The following TRIM44 variants were observed in gnomAD, a reference collection of about 807,000 sequenced individuals.
The protein encoded by TRIM44 is tripartite motif-containing protein 44.
Under a neutral mutation model 37.4 loss-of-function variants are expected in TRIM44, and 13 were observed. That is an observed-to-expected ratio of 0.35 (90% CI 0.23 to 0.55). TRIM44 has a LOEUF of 0.55. Among genes scored for constraint, TRIM44 ranks in the 20% least tolerant of loss-of-function variants. TRIM44 has a pLI of 0.89. For missense variants in TRIM44, 426 were observed against 437.2 expected, an observed-to-expected ratio of 0.97 and a Z score of 0.23; for synonymous variants, 175 against 157.2, an observed-to-expected ratio of 1.11 and a Z score of -0.85.
chr11:35,814,719 TGA>T lies in TRIM44; in HGVS notation c.*8336_*8337del, dbSNP rs1159063781. 1 of 152,174 alleles carries T rather than the reference TGA, an allele frequency of 6.6e-6. No individual in the cohort carries two copies. Among genetic ancestry groups the T allele is most frequent in the Non-Finnish European group, 1.5e-5 (1 of 68,040 alleles). 9.4% of individuals were successfully genotyped at this position (152,174 alleles called of 1,614,324 possible). A position where few individuals can be genotyped will look rare whatever the true frequency, so the allele number is the denominator to read the frequency against. On this transcript the variant is annotated 3_prime_UTR_variant, in exon 5 of 5. Coordinates refer to ENST00000299413, the MANE Select transcript of TRIM44 (RefSeq NM_017583.6). ...CCTATCTTTTTGCTGGTGGTAATGA[TGA>T]GTTTTGTCACTTGCTATAACATTCT...
rs1025338113 is a variant in TRIM44 at position 35,817,512 on chromosome 11, C to T, written c.*11127C>T. ...AATTGTTCCTCTAAGAGTCCCAAGT[C>T]ATCTTTTTTCTCTCCGTGTGTGTTA... On this transcript the variant is annotated 3_prime_UTR_variant, in exon 5 of 5. Transcript: ENST00000299413. 3.9e-5 allele frequency: 6 copies of T among 152,140 alleles called. No individual in the cohort carries two copies. Among genetic ancestry groups the T allele is most frequent in the Non-Finnish European group, 8.8e-5 (6 of 68,032 alleles). The allele number at this position is 152,140 out of a possible 1,614,324, so 9.4% of individuals were successfully genotyped here.
At chr11:35,722,259 T>C (rs1852118860) in intron 2 of TRIM44, among the ~76,000 whole-genome samples, 1 of 152,184 alleles carries the variant, frequency 6.6e-6, no homozygotes, top group East Asian at 1.9e-4. Flanking sequence ...GTCTACAATT[T>C]TTAAAGTTAT....
At chr11:35,702,829 C>T (rs564214353) in intron 2 of TRIM44, among the ~76,000 whole-genome samples, 32 of 152,338 alleles carry the variant, frequency 2.1e-4, no homozygotes, top group Admixed American at 3.3e-4. Flanking sequence ...GCGTGAGCAA[C>T]GCAGAAGACG....
intron 2 of TRIM44, among the ~76,000 whole-genome samples, chr11:35,697,401 T>A (rs1851718511): frequency 6.6e-6 from 1 of 151,086 alleles, no homozygotes; most frequent in Non-Finnish European, 1.5e-5. Context: ...ACTCATCCTT[T>A]TTTATGGCTG....
chr11:35,682,524 A>G (rs79518960), intron 1 of TRIM44, among the ~76,000 whole-genome samples: 1 of 152,136 alleles, frequency 6.6e-6, no homozygotes, highest in African/African-American at 2.4e-5. Flanking sequence ...ATAGATTTTT[A>G]AAAAAGCCTT....
chr11:35,749,963 C>T (rs1027213012), intron 4 of TRIM44, among the ~76,000 whole-genome samples: 2 of 152,054 alleles, frequency 1.3e-5, no homozygotes, highest in Admixed American at 1.3e-4. Flanking sequence ...AATACAGGGT[C>T]GTGATGCAAA....
At chr11:35,776,734 G>A (rs900600493) in intron 4 of TRIM44, among the ~76,000 whole-genome samples, 2 of 152,210 alleles carry the variant, frequency 1.3e-5, no homozygotes, top group Non-Finnish European at 2.9e-5. Context: ...TTCAGGAGCA[G>A]GTTGTTCAGT....
intron 2 of TRIM44, among the ~76,000 whole-genome samples, chr11:35,690,305 T>C (rs1267754591): frequency 6.6e-6 from 1 of 152,248 alleles, no homozygotes; most frequent in Non-Finnish European, 1.5e-5. Flanking sequence ...TCTGCAATCA[T>C]TTGTCATAGC....
intron 4 of TRIM44, among the ~76,000 whole-genome samples, chr11:35,747,315 C>T (rs1276042580): frequency 6.6e-6 from 1 of 152,192 alleles, no homozygotes; most frequent in African/African-American, 2.4e-5. Flanking sequence ...TAAAACAACT[C>T]TGTGAGGACA....
intron 4 of TRIM44, among the ~76,000 whole-genome samples, chr11:35,789,700 T>C (rs1398346899): frequency 2.0e-5 from 3 of 152,130 alleles, no homozygotes; most frequent in Non-Finnish European, 4.4e-5. Flanking sequence ...TTAAGCCGTC[T>C]TAGAGGGCGA....
intron 3 of TRIM44, among the ~76,000 whole-genome samples, chr11:35,729,892 G>A (rs113198731): frequency 1.4e-4 from 22 of 152,164 alleles, no homozygotes; most frequent in South Asian, 8.3e-4. Context: ...CAAGAGGATC[G>A]TTTGAACCCA....
Position 35,663,630 on chromosome 11 carries a change from A to C in TRIM44, c.519A>C (p.Arg173Ser), listed in dbSNP as rs755437726. The C allele has an allele frequency of 6.2e-7, 1 of 1,614,156 alleles. No individual in the cohort carries two copies. Among genetic ancestry groups the C allele is most frequent in the Non-Finnish European group, 8.5e-7 (1 of 1,180,040 alleles). ...FDPEIEMEAERVAKRKCPDHG... is the reference protein window; with the variant it reads ...FDPEIEMEAESVAKRKCPDHG... Reference sequence around the variant, plus strand: ...CAGAAATAGAAATGGAAGCAGAGAGAGTGGCCAAGAGGAAGTGTCCGGACC... The same window carrying C: ...CAGAAATAGAAATGGAAGCAGAGAGCGTGGCCAAGAGGAAGTGTCCGGACC... Residue 173 changes from arginine to serine, a missense_variant, in exon 1 of 5, where the codon AGA becomes AGC. Around this residue, in one of 2 missense-constraint regions of TRIM44, gnomAD observed 331 missense variants for 303.0 expected, o/e 1.09. Coordinates refer to ENST00000299413, the MANE Select transcript of TRIM44 (RefSeq NM_017583.6).
intron 2 of TRIM44, among the ~76,000 whole-genome samples, chr11:35,723,304 A>ATGTT (rs1852131739): frequency 6.6e-6 from 1 of 152,174 alleles, no homozygotes; most frequent in African/African-American, 2.4e-5. Context: ...GGTAGTTCTG[A>ATGTT]CCATACAGTG....
At chr11:35,747,858 A>G (rs564662581) in intron 4 of TRIM44, among the ~76,000 whole-genome samples, 3 of 146,324 alleles carry the variant, frequency 2.1e-5, no homozygotes, top group South Asian at 2.4e-4. Flanking sequence ...TAATTCCAGA[A>G]CTGATAATTA....
chr11:35,719,432 G>A (rs1348807104), intron 2 of TRIM44, among the ~76,000 whole-genome samples: 1 of 152,028 alleles, frequency 6.6e-6, no homozygotes, highest in Admixed American at 6.6e-5. Flanking sequence ...ATTTTTGAGT[G>A]TTTATGGTTC....
chr11:35,666,618 G>T (rs886909863), intron 1 of TRIM44, among the ~76,000 whole-genome samples: 1 of 151,934 alleles, frequency 6.6e-6, no homozygotes, highest in Admixed American at 6.6e-5. Context: ...GAAAATATGA[G>T]CCAGGCACAG....
chr11:35,783,719 G>A (rs1359005551), intron 4 of TRIM44, among the ~76,000 whole-genome samples: 2 of 152,176 alleles, frequency 1.3e-5, no homozygotes, highest in African/African-American at 4.8e-5. Flanking sequence ...TGAATTGTGT[G>A]CGTGAAATGA....
chr11:35,779,527 TG>T (rs1185762483), intron 4 of TRIM44, among the ~76,000 whole-genome samples: 1 of 152,144 alleles, frequency 6.6e-6, no homozygotes, highest in Non-Finnish European at 1.5e-5. Context: ...TTGCTCACGC[TG>T]GGAGCTGTAG....
intron 1 of TRIM44, among the ~76,000 whole-genome samples, chr11:35,677,866 A>G (rs1469648063): frequency 2.0e-5 from 3 of 152,154 alleles, no homozygotes; most frequent in Non-Finnish European, 4.4e-5. Context: ...AAACTGGGGA[A>G]GGAGATAGGG....
Sources: allele counts gnomAD v4.1 joint callset (sites outside exome capture counted in the v4.1 genomes callset), GRCh38; gene constraint gnomAD v4.1.1; regional missense constraint gnomAD v4.1.1; transcripts MANE v1.5; gene names NCBI Gene and HGNC (gene_info 2026-07-23, HGNC 2026-07-21).